The following FSTL5 variants were observed in gnomAD, a reference collection of about 807,000 sequenced individuals.
The protein encoded by FSTL5 is follistatin like 5, also known as follistatin-related protein 5.
FSTL5 carries 62 observed loss-of-function variants against 89.1 expected under a neutral mutation model. That is an observed-to-expected ratio of 0.70 (90% CI 0.57 to 0.86). The LOEUF is 0.86. Among genes scored for constraint, FSTL5 ranks in the 40% least tolerant of loss-of-function variants. The pLI, the probability that FSTL5 is intolerant of heterozygous loss-of-function variation, is 0.00. For synonymous variants in FSTL5, 383 were observed against 346.2 expected (o/e 1.11, Z -1.18); for missense variants, 1,057 against 1,001.6 (o/e 1.06, Z -0.75).
At chr4:161,881,641 C>A (rs574816221) in intron 4 of FSTL5, among the ~76,000 whole-genome samples, 2 of 152,172 alleles carry the variant, frequency 1.3e-5, no homozygotes, top group South Asian at 2.1e-4. Context: ...GAAGAAAGTG[C>A]ATTCTACTAA....
intron 4 of FSTL5, among the ~76,000 whole-genome samples, chr4:161,898,217 T>G (rs1027963866): frequency 2.6e-5 from 4 of 151,026 alleles, no homozygotes; most frequent in Non-Finnish European, 5.9e-5. Context: ...CACAGTATAT[T>G]TATATTTTAT....
intron 3 of FSTL5, among the ~76,000 whole-genome samples, chr4:162,023,078 G>A (rs1737151338): frequency 6.6e-6 from 1 of 152,022 alleles, no homozygotes; most frequent in South Asian, 2.1e-4. Flanking sequence ...CCATACATTT[G>A]TACAATTTTT....
chr4:161,476,855 A>G (rs1420207593), intron 13 of FSTL5, among the ~76,000 whole-genome samples: 1 of 152,176 alleles, frequency 6.6e-6, no homozygotes, highest in African/African-American at 2.4e-5. Context: ...CAGAAGTGTC[A>G]ATCAACAATC....
At chr4:161,831,807 TAC>T (rs1376136482) in intron 4 of FSTL5, among the ~76,000 whole-genome samples, 10 of 151,632 alleles carry the variant, frequency 6.6e-5, no homozygotes, top group African/African-American at 1.9e-4. Context: ...AGCATATATA[TAC>T]ATATATATGC....
At chr4:161,663,939 G>C (rs1736800084) in intron 6 of FSTL5, among the ~76,000 whole-genome samples, 1 of 152,206 alleles carries the variant, frequency 6.6e-6, no homozygotes, top group Admixed American at 6.5e-5. Flanking sequence ...CGTGGAAACT[G>C]CCAAGGCTTG....
At chr4:161,881,496 T>C (rs1333801916) in intron 4 of FSTL5, among the ~76,000 whole-genome samples, 4 of 152,044 alleles carry the variant, frequency 2.6e-5, no homozygotes, top group Non-Finnish European at 4.4e-5. Flanking sequence ...CTATCCCTTA[T>C]TCATATTTAA....
chr4:162,130,415 G>T (rs140332367), intron 1 of FSTL5, among the ~76,000 whole-genome samples: 5 of 152,116 alleles, frequency 3.3e-5, no homozygotes, highest in Admixed American at 6.5e-5. Flanking sequence ...TTAGAAAGGC[G>T]TAAGAACTAA....
In FSTL5 at chr4:161,510,427, G is replaced by A. The variant is rs372450375; in HGVS notation, c.1313-3C>T. ...TTCTCTCCATAATATGTTAGCTACT[G>A]CAGCATGTTGAAAGAAAAAGAAGAA... is the stretch of plus-strand genomic sequence containing the variant. On this transcript the variant is annotated splice_region_variant and splice_polypyrimidine_tract_variant and intron_variant, in intron 10 of 15. Transcript: ENST00000306100. 1.5e-5 allele frequency: 23 copies of A among 1,520,968 alleles called. No individual in the cohort carries two copies. The highest frequency in any genetic ancestry group is 2.0e-5 in the Non-Finnish European group (23 of 1,131,190). 94.2% of individuals were successfully genotyped at this position (1,520,968 alleles called of 1,614,324 possible).
chr4:161,496,379 T>C (rs1189426416), intron 12 of FSTL5, among the ~76,000 whole-genome samples: 1 of 152,198 alleles, frequency 6.6e-6, no homozygotes, highest in Non-Finnish European at 1.5e-5. Context: ...GCTGTGAAGA[T>C]GCTTGTGAGG....
At chr4:161,561,193 TGATAGATA>T (rs35910528) in intron 8 of FSTL5, among the ~76,000 whole-genome samples, 33 of 150,324 alleles carry the variant, frequency 2.2e-4, no homozygotes, top group African/African-American at 6.4e-4. Context: ...GTATTTTAGA[TGATAGATA>T]GATAGATAGA....
intron 5 of FSTL5, 23 bp from the exon 6 acceptor site, chr4:161,759,554 T>G (rs912418925): frequency 2.4e-5 from 34 of 1,421,082 alleles, no homozygotes; most frequent in Non-Finnish European, 3.2e-5. Flanking sequence ...TTATAAACCA[T>G]ACCTTTAGAT....
chr4:161,913,795 G>A (rs907598044), intron 4 of FSTL5, among the ~76,000 whole-genome samples: 6 of 152,114 alleles, frequency 3.9e-5, no homozygotes, highest in African/African-American at 1.4e-4. Flanking sequence ...TAACCCCTTG[G>A]TTTTGGCCAA....
At chr4:161,392,122 T>C (rs545795614) in intron 15 of FSTL5, among the ~76,000 whole-genome samples, 2 of 152,336 alleles carry the variant, frequency 1.3e-5, no homozygotes, top group South Asian at 4.1e-4. Flanking sequence ...TTAATTATAG[T>C]ACATTCAAAG....
intron 8 of FSTL5, among the ~76,000 whole-genome samples, chr4:161,569,552 G>T (rs961395658): frequency 1.3e-5 from 2 of 152,000 alleles, no homozygotes; most frequent in African/African-American, 2.4e-5. Context: ...CTGAGAATTG[G>T]GTTTGCTCAA....
chr4:161,740,686 A>C (rs1175864356), intron 6 of FSTL5, among the ~76,000 whole-genome samples: 1 of 150,130 alleles, frequency 6.7e-6, no homozygotes, highest in Non-Finnish European at 1.5e-5. Context: ...TTTTACACTT[A>C]TAAATTTGAC....
chr4:161,927,622 T>C (rs1207370389), intron 3 of FSTL5, among the ~76,000 whole-genome samples: 1 of 151,712 alleles, frequency 6.6e-6, no homozygotes, highest in African/African-American at 2.4e-5. Context: ...GTAAATTATC[T>C]TTTTACAATA....
At chr4:162,126,081 A>G (rs1252004286) in intron 1 of FSTL5, among the ~76,000 whole-genome samples, 1 of 152,094 alleles carries the variant, frequency 6.6e-6, no homozygotes, top group Non-Finnish European at 1.5e-5. Flanking sequence ...AATAAGAATA[A>G]TAATTCTACC....
At chr4:161,862,610 T>C (rs1182786532) in intron 4 of FSTL5, among the ~76,000 whole-genome samples, 1 of 152,074 alleles carries the variant, frequency 6.6e-6, no homozygotes, top group African/African-American at 2.4e-5. Flanking sequence ...TGCGCACCTG[T>C]AGTCCCAGCT....
intron 4 of FSTL5, among the ~76,000 whole-genome samples, chr4:161,810,201 C>A (rs149754294): frequency 6.6e-6 from 1 of 151,796 alleles, no homozygotes; most frequent in Non-Finnish European, 1.5e-5. Flanking sequence ...AAAGTAAGAA[C>A]AATATTAAAA....
Sources: allele counts gnomAD v4.1 joint callset (sites outside exome capture counted in the v4.1 genomes callset), GRCh38; gene constraint gnomAD v4.1.1; transcripts MANE v1.5; gene names NCBI Gene and HGNC (gene_info 2026-07-23, HGNC 2026-07-21).